Variants in IQSEC1 observed in about 807,000 individuals in gnomAD.
IQSEC1 encodes the protein IQ motif and SEC7 domain-containing protein 1.
A neutral mutation model predicts 91.0 loss-of-function variants in IQSEC1; 31 were observed. The observed-to-expected ratio is 0.34, with a 90% CI of 0.26 to 0.46. The LOEUF is 0.46. Among genes scored for constraint, IQSEC1 ranks in the 20% least tolerant of loss-of-function variants. The pLI, the probability that IQSEC1 is intolerant of heterozygous loss-of-function variation, is 1.00. For missense variants in IQSEC1, 1,388 were observed against 1,575.6 expected, an observed-to-expected ratio of 0.88 and a Z score of 2.02; for synonymous variants, 699 against 662.6, an observed-to-expected ratio of 1.05 and a Z score of -0.84.
At chr3:13,197,055 T>A (rs993390270) in intron 1 of IQSEC1, among the ~76,000 whole-genome samples, 1 of 152,140 alleles carries the variant, frequency 6.6e-6, no homozygotes, top group Admixed American at 6.5e-5. Flanking sequence ...TGGAGGCCCC[T>A]GTGCCCTGGG....
At chr3:12,931,842 G>C (rs1697705391) in intron 3 of IQSEC1, among the ~76,000 whole-genome samples, 1 of 152,218 alleles carries the variant, frequency 6.6e-6, no homozygotes, top group Non-Finnish European at 1.5e-5. Flanking sequence ...TCCAGGTACA[G>C]GGCCCTGTGC....
chr3:13,029,725 T>C (rs1028254580), intron 1 of IQSEC1, among the ~76,000 whole-genome samples: 22 of 152,310 alleles, frequency 1.4e-4, no homozygotes, highest in Admixed American at 1.3e-3. Flanking sequence ...TGTGTGTGCG[T>C]GCATGCGTGC....
chr3:12,922,641 C>T lies in IQSEC1; in HGVS notation c.1731-399G>A, dbSNP rs1696738287. Reference sequence around the variant, plus strand: ...GGGTTGGGGAGTTTGCTGCCATTTTCACAGTGAGGAAAGGGGCGCCCAGGG... The same window carrying T: ...GGGTTGGGGAGTTTGCTGCCATTTTTACAGTGAGGAAAGGGGCGCCCAGGG... On this transcript the variant is annotated intron_variant, in intron 4 of 13. Coordinates refer to ENST00000613206, the MANE Select transcript of IQSEC1 (RefSeq NM_001134382.3). The surrounding 1 kb of genome is among the most constrained non-coding windows in gnomAD (Gnocchi z 5.1). Among the ~76,000 whole-genome samples, 1 of 152,126 alleles carries T rather than the reference C, an allele frequency of 6.6e-6. No homozygotes were observed. Among genetic ancestry groups the T allele is most frequent in the Admixed American group, 6.5e-5 (1 of 15,290 alleles).
chr3:12,958,130 A>G (rs549558848), intron 1 of IQSEC1, among the ~76,000 whole-genome samples: 3 of 152,264 alleles, frequency 2.0e-5, no homozygotes, highest in East Asian at 1.9e-4. Flanking sequence ...CTATCTAACC[A>G]TCGAGCTCCC....
At chr3:13,021,973 C>A (rs1703419876) in intron 1 of IQSEC1, 3 of 1,142,870 alleles carry the variant, frequency 2.6e-6, no homozygotes, top group Non-Finnish European at 3.3e-6. Context: ...TACAGCCATG[C>A]AAACCATCCG....
intron 2 of IQSEC1, among the ~76,000 whole-genome samples, chr3:13,108,126 T>C (rs1706184309): frequency 6.6e-6 from 1 of 152,268 alleles, no homozygotes; most frequent in African/African-American, 2.4e-5. Flanking sequence ...TGTTTTTCCG[T>C]AATTGATGTC....
chr3:12,993,653 A>G (rs910776789), intron 1 of IQSEC1, among the ~76,000 whole-genome samples: 1 of 152,164 alleles, frequency 6.6e-6, no homozygotes, highest in Admixed American at 6.5e-5. Flanking sequence ...AGCGTTCGCA[A>G]GGCTTCGGGA....
Position 12,935,246 on chromosome 3 carries a change from C to T in IQSEC1, c.1568+202G>A, listed in dbSNP as rs773348443. On this transcript the variant is annotated intron_variant, in intron 3 of 13. Coordinates refer to ENST00000613206, the MANE Select transcript of IQSEC1 (RefSeq NM_001134382.3). The surrounding 1 kb of genome is among the most constrained non-coding windows in gnomAD (Gnocchi z 8.0). ...CTGCTCAGCCTGTGTGTGTTGCCAT[C>T]CCCACCAGCAGTCCCAGGAGGGGCT... Among the ~76,000 whole-genome samples, 3 of 152,242 alleles carry T rather than the reference C, an allele frequency of 2.0e-5. No homozygotes were observed. Among genetic ancestry groups the T allele is most frequent in the Non-Finnish European group, 4.4e-5 (3 of 68,044 alleles).
chr3:13,097,360 G>A (rs1042912292), intron 2 of IQSEC1, among the ~76,000 whole-genome samples: 6 of 152,168 alleles, frequency 3.9e-5, no homozygotes, highest in Admixed American at 1.3e-4. Flanking sequence ...TCCAGACGTG[G>A]CTCTGGTCCC....
Position 12,935,959 on chromosome 3 carries a change from G to A in IQSEC1, c.1057C>T (p.Arg353Trp), listed in dbSNP as rs777397340. 1.7e-5 allele frequency: 27 copies of A among 1,599,134 alleles called. No individual in the cohort carries two copies. Among genetic ancestry groups the A allele is most frequent in the South Asian group, 5.5e-5 (5 of 91,016 alleles). Reference sequence around the variant, plus strand: ...TCCACCCGCAGCCGCTGCTCCTGCCGCTCCAGCGACGGCGTGCTCCGGCAG... The same window carrying A: ...TCCACCCGCAGCCGCTGCTCCTGCCACTCCAGCGACGGCGTGCTCCGGCAG... ...TSCRSTPSLE[R>W]QEQRLRVEHL... The change falls in exon 3 of 14, where the codon CGG becomes TGG. Residue 353 changes from arginine (R) to tryptophan (W), a missense_variant. This residue lies in a region of IQSEC1 where 1,059 missense variants were observed against 1,317.8 expected (regional missense o/e 0.80). Coordinates refer to ENST00000613206, the MANE Select transcript of IQSEC1 (RefSeq NM_001134382.3). The surrounding 1 kb of genome is among the most constrained non-coding windows in gnomAD (Gnocchi z 8.0).
intron 2 of IQSEC1, among the ~76,000 whole-genome samples, chr3:13,096,522 A>G (rs547664701): frequency 6.6e-6 from 1 of 152,362 alleles, no homozygotes; most frequent in South Asian, 2.1e-4. Context: ...CTGACTTAGC[A>G]TTGGGAAGAC....
At chr3:13,180,254 T>C (rs990976235) in intron 1 of IQSEC1, among the ~76,000 whole-genome samples, 1 of 152,208 alleles carries the variant, frequency 6.6e-6, no homozygotes. Flanking sequence ...ACTCTGTATC[T>C]AGCTCAAGGT....
chr3:13,214,034 G>A lies in IQSEC1; in HGVS notation c.273-49901C>T, dbSNP rs146092516. 2.9e-4 allele frequency among the ~76,000 whole-genome samples: 44 copies of A among 152,142 alleles called. No individual in the cohort carries two copies. The East Asian group carries it at 7.7e-3, about 27-fold the overall frequency. On this transcript the variant is annotated intron_variant, in intron 1 of 15. Transcript: ENST00000648114. This position sits in a 1 kb window ranked among gnomAD's most constrained non-coding sequence, Gnocchi z 4.5. ...TCTTCCTGGTCCCTCCCCGCCACCCGGCTCCTTCCTCTGATAGGCCTGTCC... is the reference window on the plus strand; with the variant it reads ...TCTTCCTGGTCCCTCCCCGCCACCCAGCTCCTTCCTCTGATAGGCCTGTCC...
intron 1 of IQSEC1, among the ~76,000 whole-genome samples, chr3:13,030,067 G>A (rs1472922570): frequency 6.6e-6 from 1 of 152,184 alleles, no homozygotes; most frequent in Non-Finnish European, 1.5e-5. Context: ...GCTTCCGGAA[G>A]TGTTAGGATT....
chr3:13,098,195 C>T (rs1488827296), intron 2 of IQSEC1, among the ~76,000 whole-genome samples: 2 of 152,256 alleles, frequency 1.3e-5, no homozygotes, highest in African/African-American at 2.4e-5. Context: ...AGCCTTCTTT[C>T]TGGAGGCTGA....
chr3:13,117,907 A>T (rs372302145), intron 2 of IQSEC1, among the ~76,000 whole-genome samples: 2 of 152,118 alleles, frequency 1.3e-5, no homozygotes, highest in South Asian at 2.1e-4. Context: ...ACAACACATA[A>T]GTATCGGTGA....
chr3:12,901,514 G>C lies in IQSEC1; in HGVS notation c.2814C>G (p.Ile938Met). Residue 938 changes from isoleucine to methionine, a missense_variant, in exon 14 of 14, where the codon ATC (isoleucine) becomes ATG (methionine). Physicochemically the swap from Ile to Met is conservative, Grantham distance 10. This residue lies in a region of IQSEC1 where 329 missense variants were observed against 257.8 expected (regional missense o/e 1.28). Transcript: ENST00000613206. Reference sequence around the variant, plus strand: ...TCCGGCGCATGTGAGGACTGCTAATGATGGACCCCTAAAAAGGAAATTCAT... The same window carrying C: ...TCCGGCGCATGTGAGGACTGCTAATCATGGACCCCTAAAAAGGAAATTCAT... ...GSLESNVEGS[I>M]ISSPHMRRRA... 1 of 1,549,142 alleles carries C rather than the reference G, an allele frequency of 6.5e-7. No homozygotes were observed. The highest frequency in any genetic ancestry group is 8.7e-7 in the Non-Finnish European group (1 of 1,146,338).
chr3:13,017,418 C>T (rs1703187469), intron 1 of IQSEC1, among the ~76,000 whole-genome samples: 1 of 152,186 alleles, frequency 6.6e-6, no homozygotes, highest in Non-Finnish European at 1.5e-5. Context: ...AAGCCTCTTC[C>T]CATGTGTCAG....
At position 12,900,863 on chromosome 3, in the gene IQSEC1, G is replaced by A; in HGVS notation, c.*120C>T. ...CTGGGGCTCCGGTTGGGCCGTGAGGGGCAGAGGGGAGAGATGGCAACAGAA... is the reference window on the plus strand; with the variant it reads ...CTGGGGCTCCGGTTGGGCCGTGAGGAGCAGAGGGGAGAGATGGCAACAGAA... On this transcript the variant is annotated 3_prime_UTR_variant, in exon 14 of 14. Coordinates refer to ENST00000613206, the MANE Select transcript of IQSEC1 (RefSeq NM_001134382.3). 2.6e-6 allele frequency: 4 copies of A among 1,532,120 alleles called. No homozygotes were observed. Among genetic ancestry groups the A allele is most frequent in the African/African-American group, 1.4e-5 (1 of 73,102 alleles). 94.9% of individuals were successfully genotyped at this position (1,532,120 alleles called of 1,614,324 possible). A position where few individuals can be genotyped will look rare whatever the true frequency, so the allele number is the denominator to read the frequency against.
Sources: gnomAD v4.1 joint callset for allele counts (sites outside exome capture counted in the v4.1 genomes callset) on GRCh38, gnomAD v4.1.1 for gene constraint, gnomAD v4.1.1 regional missense constraint, Gnocchi (gnomAD v3.1) non-coding constraint, MANE v1.5 for transcripts, NCBI Gene and HGNC (gene_info 2026-07-23, HGNC 2026-07-21) for gene names.